Variants in RBFOX1 observed in about 807,000 individuals in gnomAD.
The protein encoded by RBFOX1 is RNA binding protein fox-1 homolog 1.
In RBFOX1, 8 loss-of-function variants were observed where a neutral mutation model predicts 57.7. The observed-to-expected ratio is 0.14, with a 90% CI of 0.08 to 0.25. The LOEUF (loss-of-function observed/expected upper bound fraction) is 0.25. Ranked by LOEUF, RBFOX1 falls within the 10% of genes least tolerant of loss-of-function variation. The pLI is 1.00. For missense variants in RBFOX1, 611 were observed against 548.5 expected (o/e 1.11, Z -1.14); for synonymous variants, 326 against 222.4 (o/e 1.47, Z -4.15).
At chr16:6,977,392 G>C (rs182895059) in intron 3 of RBFOX1, among the ~76,000 whole-genome samples, 4 of 151,908 alleles carry the variant, frequency 2.6e-5, no homozygotes, top group Non-Finnish European at 5.9e-5. Context: ...CTGGACACTC[G>C]CAAGTCTGGT....
At chr16:6,567,974 C>T (rs567881892) in intron 2 of RBFOX1, among the ~76,000 whole-genome samples, 1 of 152,232 alleles carries the variant, frequency 6.6e-6, no homozygotes, top group South Asian at 2.1e-4. Flanking sequence ...GCGCATGCCA[C>T]CATGCCAGGC....
chr16:6,874,215 A>G (rs1428091295), intron 3 of RBFOX1, among the ~76,000 whole-genome samples: 3 of 152,130 alleles, frequency 2.0e-5, no homozygotes, highest in Admixed American at 6.6e-5. Context: ...CAGCCATAAA[A>G]AGGAATGAAA....
intron 2 of RBFOX1, among the ~76,000 whole-genome samples, chr16:5,550,027 G>C (rs1289622246): frequency 6.6e-6 from 1 of 152,172 alleles, no homozygotes; most frequent in African/African-American, 2.4e-5. Flanking sequence ...AGCTTTCTTT[G>C]TTTACCTACT....
At chr16:6,740,958 C>G (rs996929428) in intron 3 of RBFOX1, among the ~76,000 whole-genome samples, 1 of 152,118 alleles carries the variant, frequency 6.6e-6, no homozygotes, top group Non-Finnish European at 1.5e-5. Context: ...ACCAGTCTAC[C>G]TAGTTTCAAG....
intron 1 of RBFOX1, among the ~76,000 whole-genome samples, chr16:6,208,137 A>C (rs753219001): frequency 1.3e-5 from 2 of 151,986 alleles, no homozygotes; most frequent in Admixed American, 6.6e-5. Context: ...ATGAAGTGTA[A>C]CATTATAATT....
intron 2 of RBFOX1, among the ~76,000 whole-genome samples, chr16:6,332,231 T>G (rs2083125048): frequency 6.6e-6 from 1 of 152,172 alleles, no homozygotes; most frequent in South Asian, 2.1e-4. Context: ...AAGAGACTTG[T>G]ATGGCAACGT....
rs761260987 is a variant in RBFOX1, at chr16:5,736,075, G to A, written c.319-131228G>A. Among the ~76,000 whole-genome samples the A allele has an allele frequency of 1.4e-4, 21 of 152,190 alleles. No individual in the cohort carries two copies. In the East Asian group the frequency reaches 3.1e-3, roughly 22 times the overall value. On this transcript the variant is annotated intron_variant, in intron 3 of 19. Coordinates refer to the RBFOX1 transcript ENST00000641259. ...TTAGAGTTCACAGGGGGATTTGGAC[G>A]TCCATGACTCATTCATTTTCCTTCT... is the stretch of plus-strand genomic sequence containing the variant.
At chr16:6,230,121 G>C (rs182812565) in intron 1 of RBFOX1, among the ~76,000 whole-genome samples, 1 of 152,048 alleles carries the variant, frequency 6.6e-6, no homozygotes, top group African/African-American at 2.4e-5. Context: ...CTTCTTAAAA[G>C]ACTTTATCGC....
intron 3 of RBFOX1, among the ~76,000 whole-genome samples, chr16:7,019,402 G>A (rs2094092555): frequency 6.6e-6 from 1 of 152,122 alleles, no homozygotes; most frequent in African/African-American, 2.4e-5. Context: ...GTGTGTTTGT[G>A]TGAGTGGGAG....
chr16:6,217,005 G>A (rs1271242005), intron 1 of RBFOX1, among the ~76,000 whole-genome samples: 2 of 151,830 alleles, frequency 1.3e-5, no homozygotes, highest in Non-Finnish European at 2.9e-5. Context: ...TTGGAATTTC[G>A]GCAGTTCAAG....
intron 13 of RBFOX1, among the ~76,000 whole-genome samples, chr16:7,671,876 T>C (rs1312272925): frequency 1.3e-5 from 2 of 152,222 alleles, no homozygotes; most frequent in Non-Finnish European, 2.9e-5. Flanking sequence ...GCCATGAGCT[T>C]TGTTAGATCC....
chr16:7,558,208 G>T (rs1385479251), intron 5 of RBFOX1, among the ~76,000 whole-genome samples: 4 of 151,918 alleles, frequency 2.6e-5, no homozygotes, highest in Admixed American at 2.0e-4. Context: ...ACAAAAATTA[G>T]CTGGGTATGT....
intron 2 of RBFOX1, among the ~76,000 whole-genome samples, chr16:6,411,485 A>G (rs181358947): frequency 1.8e-4 from 28 of 152,290 alleles, no homozygotes; most frequent in Admixed American, 1.6e-3. Flanking sequence ...GGATTTCTCT[A>G]TTTATAGAAA....
chr16:6,947,353 C>T (rs1307297766), intron 3 of RBFOX1, among the ~76,000 whole-genome samples: 2 of 152,108 alleles, frequency 1.3e-5, no homozygotes, highest in African/African-American at 4.8e-5. Flanking sequence ...ATGAAGACAC[C>T]TGGGTGCCTG....
chr16:6,931,255 C>T (rs1244901099), intron 3 of RBFOX1, among the ~76,000 whole-genome samples: 3 of 148,726 alleles, frequency 2.0e-5, no homozygotes, highest in Non-Finnish European at 3.0e-5. Context: ...CTCTTTGGTG[C>T]TACCAAAAAA....
intron 2 of RBFOX1, among the ~76,000 whole-genome samples, chr16:6,389,574 G>A (rs1327950101): frequency 7.9e-5 from 12 of 152,180 alleles, no homozygotes; most frequent in Non-Finnish European, 4.4e-5. Flanking sequence ...CTAGGAACCT[G>A]TGATCTTTTA....
At chr16:7,287,834 T>C (rs965537356) in intron 4 of RBFOX1, among the ~76,000 whole-genome samples, 1 of 152,228 alleles carries the variant, frequency 6.6e-6, no homozygotes, top group African/African-American at 2.4e-5. Flanking sequence ...CCAATAATTA[T>C]GGATTTGCAT....
intron 3 of RBFOX1, among the ~76,000 whole-genome samples, chr16:5,843,394 T>C (rs2151850821): frequency 6.6e-6 from 1 of 152,362 alleles, no homozygotes; most frequent in Non-Finnish European, 1.5e-5. Context: ...GTATTTGGTT[T>C]TCTGTTCCAG....
At chr16:7,365,092 T>C (rs2097415756) in intron 4 of RBFOX1, among the ~76,000 whole-genome samples, 1 of 152,160 alleles carries the variant, frequency 6.6e-6, no homozygotes, top group Non-Finnish European at 1.5e-5. Context: ...TATCTATCCA[T>C]CCATCTATCC....
Sources: allele counts gnomAD v4.1 joint callset (sites outside exome capture counted in the v4.1 genomes callset), GRCh38; gene constraint gnomAD v4.1.1; transcripts MANE v1.5; gene names NCBI Gene and HGNC (gene_info 2026-07-23, HGNC 2026-07-21).